Variants in SPMIP7 observed in about 807,000 individuals in gnomAD.
The protein encoded by SPMIP7 is sperm microtubule inner protein 7.
At chr7:50,095,956 A>C in the SPMIP7 span, 1 of 604,088 alleles carries the variant, frequency 1.7e-6, no homozygotes, top group South Asian at 6.0e-5. Context: ...GCCAACATTT[A>C]GAAAGCTGTG....
chr7:50,146,514 C>A, the SPMIP7 span, among the ~76,000 whole-genome samples: 5 of 152,196 alleles, frequency 3.3e-5, no homozygotes, highest in Non-Finnish European at 7.3e-5. Context: ...AATAAACCTG[C>A]AATTCCTAAA....
the SPMIP7 span, among the ~76,000 whole-genome samples, chr7:50,098,830 C>A: frequency 1.9e-5 from 1 of 52,684 alleles, no homozygotes. Flanking sequence ...GGCTTCAACA[C>A]ACGAATCTGG....
the SPMIP7 span, among the ~76,000 whole-genome samples, chr7:50,148,687 A>G: frequency 0.45 from 68,546 of 151,960 alleles, 15,852 homozygotes; most frequent in East Asian, 0.73. Flanking sequence ...CCTGCAGGGC[A>G]CTGCCTAGAA....
At chr7:50,111,154 T>C in the SPMIP7 span, among the ~76,000 whole-genome samples, 2 of 150,114 alleles carry the variant, frequency 1.3e-5, no homozygotes, top group Non-Finnish European at 3.0e-5. Context: ...ATGGTGTCAT[T>C]GTCTGGGGTA....
chr7:50,141,494 T>G, the SPMIP7 span: 1 of 720,552 alleles, frequency 1.4e-6, no homozygotes, highest in Non-Finnish European at 2.4e-6. Context: ...TTATTGAACA[T>G]TGCTGAAGAA....
the SPMIP7 span, among the ~76,000 whole-genome samples, chr7:50,119,820 A>G: frequency 3.3e-5 from 5 of 152,204 alleles, no homozygotes; most frequent in Admixed American, 2.0e-4. Context: ...GGTACAAGTA[A>G]TTGCTTGTAT....
the SPMIP7 span, among the ~76,000 whole-genome samples, chr7:50,137,761 C>T: frequency 5.9e-5 from 9 of 152,116 alleles, no homozygotes; most frequent in Admixed American, 6.5e-5. Context: ...TGATTACTAA[C>T]GATCAGTTTT....
chr7:50,138,200 A>G, the SPMIP7 span, among the ~76,000 whole-genome samples: 1 of 152,208 alleles, frequency 6.6e-6, no homozygotes, highest in Admixed American at 6.5e-5. Flanking sequence ...CCATTTTCCC[A>G]ACATAAATAG....
chr7:50,134,131 A>G, the SPMIP7 span: 16 of 1,548,964 alleles, frequency 1.0e-5, no homozygotes, highest in South Asian at 1.9e-4. Flanking sequence ...GTTCCTTGGG[A>G]TAAGATGCTA....
chr7:50,138,764 A>ATT, the SPMIP7 span, among the ~76,000 whole-genome samples: 28,035 of 139,974 alleles, frequency 0.2, 3,575 homozygotes, highest in East Asian at 0.67. Flanking sequence ...TTTAAATGGG[A>ATT]TTTTTTTTTT....
At chr7:50,155,856 T>C in the SPMIP7 span, among the ~76,000 whole-genome samples, 5 of 151,950 alleles carry the variant, frequency 3.3e-5, no homozygotes, top group South Asian at 2.1e-4. Context: ...ATACTGCACA[T>C]ACAGCTCTCA....
At chr7:50,136,771 T>C in the SPMIP7 span, among the ~76,000 whole-genome samples, 588 of 152,328 alleles carry the variant, frequency 3.9e-3, 5 homozygotes, top group Non-Finnish European at 6.0e-3. Context: ...TAGGTGTTTC[T>C]GCCTTTGAAA....
At chr7:50,132,328 AC>A in the SPMIP7 span, among the ~76,000 whole-genome samples, 2 of 152,076 alleles carry the variant, frequency 1.3e-5, no homozygotes, top group African/African-American at 4.8e-5. Context: ...TTCCTCTCTG[AC>A]TTTTGGGTTT....
At chr7:50,139,186 T>C in the SPMIP7 span, among the ~76,000 whole-genome samples, 2 of 151,862 alleles carry the variant, frequency 1.3e-5, no homozygotes, top group Admixed American at 6.6e-5. Flanking sequence ...CCGTCTCTAC[T>C]AAAACTGCAA....
chr7:50,126,665 A>G, the SPMIP7 span, among the ~76,000 whole-genome samples: 2 of 152,066 alleles, frequency 1.3e-5, no homozygotes, highest in Non-Finnish European at 2.9e-5. Context: ...TAATTTATAG[A>G]AAAGATATAT....
chr7:50,140,715 G>T, the SPMIP7 span, among the ~76,000 whole-genome samples: 1 of 152,192 alleles, frequency 6.6e-6, no homozygotes, highest in African/African-American at 2.4e-5. Context: ...GGAGGGATCT[G>T]GACCTTTAGT....
chr7:50,152,478 T>C, the SPMIP7 span, among the ~76,000 whole-genome samples: 1 of 152,172 alleles, frequency 6.6e-6, no homozygotes, highest in Non-Finnish European at 1.5e-5. Flanking sequence ...CTGATGGAAT[T>C]CCTGGCATTG....
chr7:50,097,504 C>A, the SPMIP7 span, among the ~76,000 whole-genome samples: 2 of 152,068 alleles, frequency 1.3e-5, no homozygotes, highest in African/African-American at 2.4e-5. Context: ...ATCAGTGAAA[C>A]AGAGGAGTTT....
the SPMIP7 span, chr7:50,096,244 T>G: frequency 6.4e-7 from 1 of 1,551,754 alleles, no homozygotes; most frequent in Non-Finnish European, 8.7e-7. Flanking sequence ...GACATAACTA[T>G]GGCAGGTTTG....
Sources: gnomAD v4.1 joint callset for allele counts (sites outside exome capture counted in the v4.1 genomes callset) on GRCh38, gnomAD v4.1.1 for gene constraint, MANE v1.5 for transcripts, NCBI Gene and HGNC (gene_info 2026-07-23, HGNC 2026-07-21) for gene names.